Variants in SETBP1 observed in about 807,000 individuals in gnomAD.
SETBP1 encodes the protein SET-binding protein.
SETBP1 carries 9 observed loss-of-function variants against 101.0 expected under a neutral mutation model. That is an observed-to-expected ratio of 0.09 (90% CI 0.05 to 0.16). The LOEUF (loss-of-function observed/expected upper bound fraction) is 0.16, where lower values mean the gene tolerates loss of function less well. Among genes scored for constraint, SETBP1 ranks in the 10% least tolerant of loss-of-function variants. The pLI, the probability that SETBP1 is intolerant of heterozygous loss-of-function variation, is 1.00. For missense variants in SETBP1, 1,858 were observed against 2,033.8 expected (o/e 0.91, Z 1.66); for synonymous variants, 818 against 788.5 (o/e 1.04, Z -0.63).
Position 44,950,006 on chromosome 18 carries a change from G to C in SETBP1, c.666G>C (p.Trp222Cys). The stretch of plus-strand genomic sequence containing the variant: ...GCAGCAGCCAGAACCACATGGACTG[G>C]TCCACCAACTCTGACAGCGGACCCG... ...QKSSSQNHMD[W>C]STNSDSGPVT... The change falls in exon 4 of 6, where the codon TGG (tryptophan) becomes TGC (cysteine). Residue 222 changes from tryptophan (W) to cysteine (C), a missense_variant. Around this residue, in one of 12 missense-constraint regions of SETBP1, gnomAD observed 581 missense variants for 535.1 expected, o/e 1.09. Coordinates refer to ENST00000649279, the MANE Select transcript of SETBP1 (RefSeq NM_015559.3). The C allele has an allele frequency of 6.2e-7, 1 of 1,614,130 alleles. No homozygotes were observed.
Position 44,842,233 on chromosome 18 carries a change from C to T in SETBP1, c.487-26997C>T, listed in dbSNP as rs147230021. ...TGGGCATCAGGCTTCCCGTGCTTGC[C>T]CCAGGCTCATCTCTAGCCTTTCCCC... On this transcript the variant is annotated intron_variant, in intron 2 of 5. Transcript: ENST00000649279. Among the ~76,000 whole-genome samples the T allele has an allele frequency of 1.1e-3, 160 of 152,284 alleles. 2 individuals are homozygous for T. In the South Asian group the frequency reaches 0.032, roughly 30 times the overall value.
rs1423760467 is a variant in SETBP1 at position 45,065,707 on chromosome 18, C to A, written c.*2009C>A. The A allele has an allele frequency of 6.6e-6, 1 of 152,182 alleles. No individual in the cohort carries two copies. The highest frequency in any genetic ancestry group is 1.9e-4 in the East Asian group (1 of 5,202). 9.4% of individuals were successfully genotyped at this position (152,182 alleles called of 1,614,324 possible). ...CTAGTTCAATCGCATTTAATCCTAG[C>A]AATATGTAAGTTTAAAGGACTGCAT... On this transcript the variant is annotated 3_prime_UTR_variant, in exon 6 of 6. Coordinates refer to ENST00000649279, the MANE Select transcript of SETBP1 (RefSeq NM_015559.3).
At chr18:44,805,858 T>A (rs2071720901) in intron 2 of SETBP1, among the ~76,000 whole-genome samples, 1 of 152,088 alleles carries the variant, frequency 6.6e-6, no homozygotes, top group Admixed American at 6.6e-5. Context: ...TTCACTCAGT[T>A]AAGGTTAATC....
At chr18:44,770,277 C>T (rs974114429) in intron 2 of SETBP1, among the ~76,000 whole-genome samples, 2 of 152,276 alleles carry the variant, frequency 1.3e-5, no homozygotes, top group Non-Finnish European at 2.9e-5. Context: ...ATAAGTAAAA[C>T]GTGCTGAGTA....
rs763537104 is a variant in SETBP1 at position 44,950,875 on chromosome 18, A to G, written c.1535A>G (p.His512Arg). 2 of 1,614,030 alleles carry G rather than the reference A, an allele frequency of 1.2e-6. No individual in the cohort carries two copies. Among genetic ancestry groups the G allele is most frequent in the African/African-American group, 2.7e-5 (2 of 74,980 alleles). The change falls in exon 4 of 6, where the codon CAC becomes CGC. Residue 512 changes from histidine to arginine, a missense_variant. Transcript: ENST00000649279. ...ATGACACCTCCAACGTGCACAGATC[A>G]CTCTCCATCCAGAAAGCTGCCAGAA... ...MVMTPPTCTD[H>R]SPSRKLPEIQ...
At chr18:44,693,707 G>A (rs941820618) in intron 1 of SETBP1, among the ~76,000 whole-genome samples, 5 of 152,186 alleles carry the variant, frequency 3.3e-5, no homozygotes, top group Non-Finnish European at 7.3e-5. Flanking sequence ...AGGCCAATGA[G>A]TCTAGGTTGA....
At position 44,757,666 on chromosome 18, in the gene SETBP1, A is replaced by T. The variant is rs16978155; in HGVS notation, c.486+55834A>T. Reference sequence around the variant, plus strand: ...ACTATCTTATTTAATCTTCCTAACAAATCTGACGGAAATATTTAGCAGATA... The same window carrying T: ...ACTATCTTATTTAATCTTCCTAACATATCTGACGGAAATATTTAGCAGATA... On this transcript the variant is annotated intron_variant, in intron 2 of 5. Coordinates refer to ENST00000649279, the MANE Select transcript of SETBP1 (RefSeq NM_015559.3). Among the ~76,000 whole-genome samples the T allele has an allele frequency of 4.7e-3, 723 of 152,284 alleles. 5 individuals are homozygous for T. Among genetic ancestry groups the T allele is most frequent in the African/African-American group, 0.017 (687 of 41,548 alleles).
intron 3 of SETBP1, among the ~76,000 whole-genome samples, chr18:44,874,755 G>C (rs990202495): frequency 6.6e-6 from 1 of 152,168 alleles, no homozygotes; most frequent in African/African-American, 2.4e-5. Context: ...CCCACAATTA[G>C]TCCTACTCAG....
At chr18:44,974,774 G>A (rs2071949589) in intron 4 of SETBP1, among the ~76,000 whole-genome samples, 1 of 152,168 alleles carries the variant, frequency 6.6e-6, no homozygotes, top group Admixed American at 6.5e-5. Context: ...GTCAAAAGCA[G>A]ACCAGTTTTA....
intron 3 of SETBP1, among the ~76,000 whole-genome samples, chr18:44,892,392 TGGTGCAGACA>T (rs1301593274): frequency 6.6e-6 from 1 of 152,134 alleles, no homozygotes; most frequent in African/African-American, 2.4e-5. Context: ...ACACTCCAGG[TGGTGCAGACA>T]GGTGCAGACA....
chr18:45,045,302 A>G (rs1275342384), intron 5 of SETBP1, among the ~76,000 whole-genome samples: 1 of 152,114 alleles, frequency 6.6e-6, no homozygotes, highest in Non-Finnish European at 1.5e-5. Flanking sequence ...GGCACCTATA[A>G]TACCAGCTAC....
At chr18:44,958,648 G>A (rs2071545216) in intron 4 of SETBP1, among the ~76,000 whole-genome samples, 1 of 152,060 alleles carries the variant, frequency 6.6e-6, no homozygotes, top group African/African-American at 2.4e-5. Context: ...CAAGGAGAAG[G>A]GCAGGGAAAG....
intron 3 of SETBP1, chr18:44,876,706 A>C: frequency 9.6e-7 from 1 of 1,036,316 alleles, no homozygotes. Flanking sequence ...CGGTTCTCTC[A>C]CTCTTCCTTT....
intron 3 of SETBP1, among the ~76,000 whole-genome samples, chr18:44,895,126 G>A (rs1189270235): frequency 2.2e-5 from 3 of 135,878 alleles, no homozygotes; most frequent in Non-Finnish European, 4.8e-5. Flanking sequence ...AAAAGAAAAA[G>A]CAAATGAAAG....
intron 4 of SETBP1, among the ~76,000 whole-genome samples, chr18:44,984,457 C>A (rs1401043108): frequency 6.6e-6 from 1 of 152,188 alleles, no homozygotes; most frequent in Non-Finnish European, 1.5e-5. Context: ...TGCTGTTGAT[C>A]TGACAGGAGG....
chr18:44,840,938 A>C (rs2072603502), intron 2 of SETBP1, among the ~76,000 whole-genome samples: 1 of 152,210 alleles, frequency 6.6e-6, no homozygotes, highest in South Asian at 2.1e-4. Context: ...CAGGGTTGGA[A>C]ACTTATGATT....
chr18:44,893,081 CA>C (rs1338591434), intron 3 of SETBP1, among the ~76,000 whole-genome samples: 1 of 152,022 alleles, frequency 6.6e-6, no homozygotes, highest in Non-Finnish European at 1.5e-5. Flanking sequence ...ATTGTTAGCT[CA>C]AAAAAAGCTT....
intron 2 of SETBP1, among the ~76,000 whole-genome samples, chr18:44,831,275 C>G (rs1338568907): frequency 6.6e-6 from 1 of 152,154 alleles, no homozygotes; most frequent in Non-Finnish European, 1.5e-5. Flanking sequence ...CCTAGAGATT[C>G]CCAGAGATTT....
chr18:44,747,186 C>A (rs1375977250), intron 2 of SETBP1, among the ~76,000 whole-genome samples: 1 of 152,238 alleles, frequency 6.6e-6, no homozygotes, highest in Non-Finnish European at 1.5e-5. Flanking sequence ...GGTCCTGCTT[C>A]TTCCCCATGC....
Sources: allele counts gnomAD v4.1 joint callset (sites outside exome capture counted in the v4.1 genomes callset), GRCh38; gene constraint gnomAD v4.1.1; regional missense constraint gnomAD v4.1.1; transcripts MANE v1.5; gene names NCBI Gene and HGNC (gene_info 2026-07-23, HGNC 2026-07-21).